Variants in PCDHGA6 observed in about 807,000 individuals in gnomAD.
PCDHGA6 encodes the protein protocadherin gamma subfamily A, 6.
Under a neutral mutation model 60.6 loss-of-function variants are expected in PCDHGA6, and 41 were observed. The ratio of observed to expected loss-of-function variants is 0.68; its 90% confidence interval spans 0.53 to 0.88. PCDHGA6 has a LOEUF of 0.88. Among genes scored for constraint, PCDHGA6 ranks in the 40% least tolerant of loss-of-function variants. PCDHGA6 has a pLI of 0.00. For missense variants in PCDHGA6, 1,312 were observed against 1,203.0 expected, an observed-to-expected ratio of 1.09 and a Z score of -1.34; for synonymous variants, 594 against 524.4, an observed-to-expected ratio of 1.13 and a Z score of -1.81.
At chr5:141,420,386 AT>A (rs2096493306) in intron 1 of PCDHGA6, 1 of 1,284,798 alleles carries the variant, frequency 7.8e-7, no homozygotes, top group African/African-American at 1.5e-5. Flanking sequence ...AGTTCGCAAA[AT>A]ATAGGTCAAA....
chr5:141,413,288 C>T (rs2095623576), intron 1 of PCDHGA6: 2 of 1,613,950 alleles, frequency 1.2e-6, no homozygotes, highest in East Asian at 4.5e-5. Flanking sequence ...ATCTCCTACT[C>T]AATTCCTGAG....
rs1424346887 is a variant in PCDHGA6, at chr5:141,489,602, T to C, written c.2425-5205T>C. ...CCCCTGGAGCTAATCCGTGTAGAGG[T>C]AGAGATCCTGGATCTCAATGACAAC... On this transcript the variant is annotated intron_variant, in intron 1 of 3. Coordinates refer to ENST00000517434, the MANE Select transcript of PCDHGA6 (RefSeq NM_018919.3). The surrounding 1 kb of genome is among the most constrained non-coding windows in gnomAD (Gnocchi z 4.5). The C allele has an allele frequency of 5.6e-6, 9 of 1,613,754 alleles. No homozygotes were observed. In the African/African-American group the frequency reaches 6.7e-5, roughly 12 times the overall value.
chr5:141,493,179 T>C lies in PCDHGA6; in HGVS notation c.2425-1628T>C, dbSNP rs1208502829. 6.6e-6 allele frequency among the ~76,000 whole-genome samples: 1 copy of C among 152,230 alleles called. No homozygotes were observed. Among genetic ancestry groups the C allele is most frequent in the Non-Finnish European group, 1.5e-5 (1 of 68,040 alleles). On this transcript the variant is annotated intron_variant, in intron 1 of 3. Coordinates refer to ENST00000517434, the MANE Select transcript of PCDHGA6 (RefSeq NM_018919.3). This position sits in a 1 kb window ranked among gnomAD's most constrained non-coding sequence, Gnocchi z 4.3. ...TGATAGCTGATTGAGAGAAACTTAC[T>C]ATATAACTCCTTTGAGAACCTCATC...
intron 1 of PCDHGA6, chr5:141,478,819 C>G (rs927315523): frequency 2.1e-6 from 3 of 1,447,842 alleles, no homozygotes; most frequent in Non-Finnish European, 2.7e-6. Context: ...CACAACTAAC[C>G]AATCTTGCTA....
rs143767010 is a variant in PCDHGA6 at position 141,460,190 on chromosome 5, A to G, written c.2425-34617A>G. 3.2e-3 allele frequency among the ~76,000 whole-genome samples: 486 copies of G among 152,218 alleles called. 1 individual carries two copies. Among genetic ancestry groups the G allele is most frequent in the Non-Finnish European group, 4.9e-3 (336 of 68,006 alleles). ...TTTTGTGGATATTTTATCCCAGACTATGACTTGTCTTTTCATTTTCTTAGT... is the reference window on the plus strand; with the variant it reads ...TTTTGTGGATATTTTATCCCAGACTGTGACTTGTCTTTTCATTTTCTTAGT... On this transcript the variant is annotated intron_variant, in intron 1 of 3. Coordinates refer to ENST00000517434, the MANE Select transcript of PCDHGA6 (RefSeq NM_018919.3).
At chr5:141,394,596 G>A (rs1485546922) in intron 1 of PCDHGA6, 2 of 1,613,702 alleles carry the variant, frequency 1.2e-6, no homozygotes, top group Non-Finnish European at 1.7e-6. Flanking sequence ...GGTGGCGGTG[G>A]ACAGAGACTC....
rs754433753 is a variant in PCDHGA6 at position 141,399,914 on chromosome 5, A to G, written c.2424+23407A>G. On this transcript the variant is annotated intron_variant, in intron 1 of 3. Transcript: ENST00000517434. ...GTGGCCGTGGACGCAGACTCAGGACACAACGCCTGGCTGTCCTACCACGTG... is the reference window on the plus strand; with the variant it reads ...GTGGCCGTGGACGCAGACTCAGGACGCAACGCCTGGCTGTCCTACCACGTG... The G allele has an allele frequency of 2.7e-5, 44 of 1,612,236 alleles. No homozygotes were observed. In the Admixed American group the frequency reaches 7.3e-4, roughly 27 times the overall value.
At chr5:141,451,807 G>A (rs896081470) in intron 1 of PCDHGA6, among the ~76,000 whole-genome samples, 5 of 150,778 alleles carry the variant, frequency 3.3e-5, no homozygotes, top group African/African-American at 1.2e-4. Flanking sequence ...CTTGAACCCA[G>A]GAGGCGGAGG....
chr5:141,386,155 C>G (rs763846568), intron 1 of PCDHGA6, among the ~76,000 whole-genome samples: 1 of 152,160 alleles, frequency 6.6e-6, no homozygotes, highest in Non-Finnish European at 1.5e-5. Flanking sequence ...AACTGTCTCA[C>G]GTACTCAAAC....
At chr5:141,457,802 T>C (rs1332412750) in intron 1 of PCDHGA6, among the ~76,000 whole-genome samples, 1 of 152,210 alleles carries the variant, frequency 6.6e-6, no homozygotes, top group Non-Finnish European at 1.5e-5. Context: ...TCCTCTCCTC[T>C]TGAGGTCCCA....
Position 141,375,818 on chromosome 5 carries a change from C to A in PCDHGA6, c.1735C>A (p.Pro579Thr). ...TDGSTGVELA[P>T]RSAEPGYLVT... The stretch of plus-strand genomic sequence containing the variant: ...CGGTTCCACTGGCGTGGAGCTGGCG[C>A]CCCGCTCCGCAGAGCCCGGCTACCT... Residue 579 changes from proline (P) to threonine (T), a missense_variant, in exon 1 of 4, where the codon CCC (proline) becomes ACC (threonine). Pro to Thr is a conservative substitution (Grantham distance 38). Transcript: ENST00000517434. The A allele has an allele frequency of 1.2e-6, 2 of 1,614,200 alleles. No individual in the cohort carries two copies. The highest frequency in any genetic ancestry group is 1.7e-6 in the Non-Finnish European group (2 of 1,180,044).
chr5:141,489,254 C>T lies in PCDHGA6; in HGVS notation c.2425-5553C>T, dbSNP rs2099684538. 2 of 1,548,628 alleles carry T rather than the reference C, an allele frequency of 1.3e-6. No homozygotes were observed. Among genetic ancestry groups the T allele is most frequent in the African/African-American group, 1.4e-5 (1 of 73,008 alleles). ...GACTTCTGGGTCATGGGGCCCAAGA[C>T]ACTCCCACAGCTCGCTGGGAAATGG... is the stretch of plus-strand genomic sequence containing the variant. On this transcript the variant is annotated intron_variant, in intron 1 of 3. Transcript: ENST00000517434. This position sits in a 1 kb window ranked among gnomAD's most constrained non-coding sequence, Gnocchi z 4.5.
At chr5:141,393,201 A>C in intron 1 of PCDHGA6, 1 of 1,613,534 alleles carries the variant, frequency 6.2e-7, no homozygotes, top group Admixed American at 1.7e-5. Context: ...TAACGATAAT[A>C]ACCCAAAATT....
chr5:141,413,994 G>A, intron 1 of PCDHGA6: 1 of 1,613,422 alleles, frequency 6.2e-7, no homozygotes, highest in Non-Finnish European at 8.5e-7. Context: ...CCACCGACAG[G>A]GACGAAGGTG....
rs148589854 is a variant in PCDHGA6, at chr5:141,393,112, C to T, written c.2424+16605C>T. ...CGGGAGGAGCTCTGCGCTCAGAGCC[C>T]GCGGTGTCTGATAAATATTAACACC... On this transcript the variant is annotated intron_variant, in intron 1 of 3. Transcript: ENST00000517434. 5.0e-3 allele frequency: 7,989 copies of T among 1,613,452 alleles called. 48 individuals carry two copies. The highest frequency in any genetic ancestry group is 9.4e-3 in the Admixed American group (566 of 60,028).
chr5:141,383,797 G>T, intron 1 of PCDHGA6: 1 of 1,613,962 alleles, frequency 6.2e-7, no homozygotes. Flanking sequence ...GCTTACAGGA[G>T]AAATATCAAC....
chr5:141,440,959 G>A (rs1313315196), intron 1 of PCDHGA6: 1 of 152,216 alleles, frequency 6.6e-6, no homozygotes, highest in Non-Finnish European at 1.5e-5. Flanking sequence ...TCAAGGCAGA[G>A]ATCACATATG....
chr5:141,495,080 G>A (rs73794925), intron 2 of PCDHGA6, among the ~76,000 whole-genome samples: 1 of 152,258 alleles, frequency 6.6e-6, no homozygotes, highest in African/African-American at 2.4e-5. Flanking sequence ...TCACATGCTT[G>A]CCCCTTCCCT....
intron 1 of PCDHGA6, chr5:141,395,176 A>G (rs750497200): frequency 1.1e-5 from 18 of 1,614,206 alleles, no homozygotes; most frequent in East Asian, 8.9e-5. Flanking sequence ...TGTGAGAAAA[A>G]TGATTCTTTG....
Sources: allele counts gnomAD v4.1 joint callset (sites outside exome capture counted in the v4.1 genomes callset), GRCh38; gene constraint gnomAD v4.1.1; non-coding constraint Gnocchi (gnomAD v3.1); transcripts MANE v1.5; gene names NCBI Gene and HGNC (gene_info 2026-07-23, HGNC 2026-07-21).